The following GPATCH2L variants were observed in gnomAD, a reference collection of about 807,000 sequenced individuals.
GPATCH2L encodes the protein G patch domain-containing protein 2-like.
In GPATCH2L, 31 loss-of-function variants were observed where a neutral mutation model predicts 57.4. That is an observed-to-expected ratio of 0.54 (90% CI 0.41 to 0.73). The LOEUF (loss-of-function observed/expected upper bound fraction) is 0.73. GPATCH2L is among the 30% of genes least tolerant of loss of function. GPATCH2L has a pLI of 0.00. For synonymous variants in GPATCH2L, 199 were observed against 210.7 expected (o/e 0.94, Z 0.48); for missense variants, 481 against 599.9 (o/e 0.80, Z 2.07).
At chr14:76,172,478 A>T (rs1008095517) in intron 4 of GPATCH2L, among the ~76,000 whole-genome samples, 1 of 152,192 alleles carries the variant, frequency 6.6e-6, no homozygotes, top group African/African-American at 2.4e-5. Context: ...CCCTATTGGG[A>T]CTTTAACACA....
rs1449231653 is a variant in GPATCH2L at position 76,209,339 on chromosome 14, G to A, written c.*7488G>A. On this transcript the variant is annotated 3_prime_UTR_variant, in exon 10 of 10. Transcript: ENST00000261530. ...CACCAACTTAAAAGCACAGATTAGAGTGGAGCATTCACATTTATTACTGCA... is the reference window on the plus strand; with the variant it reads ...CACCAACTTAAAAGCACAGATTAGAATGGAGCATTCACATTTATTACTGCA... The A allele has an allele frequency of 6.6e-6, 1 of 152,196 alleles. No individual in the cohort carries two copies. The highest frequency in any genetic ancestry group is 6.5e-5 in the Admixed American group (1 of 15,272). 9.4% of individuals were successfully genotyped at this position (152,196 alleles called of 1,614,324 possible). A position where few individuals can be genotyped will look rare whatever the true frequency, so the allele number is the denominator to read the frequency against.
intron 2 of GPATCH2L, 82 bp from the exon 3 acceptor site, chr14:76,166,581 A>C: frequency 1.2e-6 from 1 of 838,786 alleles, no homozygotes; most frequent in South Asian, 1.5e-5. Flanking sequence ...AAATTAGGGA[A>C]GCTTGAAAAC....
In GPATCH2L at chr14:76,180,737, C is replaced by G. The variant is rs751787649; in HGVS notation, c.1108-27C>G. 5.4e-6 allele frequency: 8 copies of G among 1,470,998 alleles called. No homozygotes were observed. The African/African-American group carries it at 1.1e-4, about 20-fold the overall frequency. 91.1% of individuals were successfully genotyped at this position (1,470,998 alleles called of 1,614,324 possible). Reference sequence around the variant, plus strand: ...TCAGGTCCGTTTCATGTAAGCCTTACTAAAATAGTCTTATTCATTCCTGCA... The same window carrying G: ...TCAGGTCCGTTTCATGTAAGCCTTAGTAAAATAGTCTTATTCATTCCTGCA... On this transcript the variant is annotated intron_variant, in intron 7 of 9. Coordinates refer to ENST00000261530, the MANE Select transcript of GPATCH2L (RefSeq NM_017926.4).
At chr14:76,160,214 C>T (rs899370827) in intron 2 of GPATCH2L, among the ~76,000 whole-genome samples, 2 of 152,148 alleles carry the variant, frequency 1.3e-5, no homozygotes, top group Admixed American at 6.5e-5. Flanking sequence ...CCTGCCTCAA[C>T]CTGTAGCTGC....
chr14:76,153,026 T>A, intron 1 of GPATCH2L: 1 of 331,222 alleles, frequency 3.0e-6, no homozygotes, highest in South Asian at 2.4e-5. Context: ...CTTGTTTAAA[T>A]GTATGTGCTT....
downstream of GPATCH2L, among the ~76,000 whole-genome samples, chr14:76,215,694 C>T (rs2139855413): frequency 6.9e-6 from 1 of 143,992 alleles, no homozygotes; most frequent in East Asian, 2.1e-4. Flanking sequence ...CATATTCTCA[C>T]TCATAGGTGG....
At chr14:76,152,814 C>G (rs1294520404) in intron 1 of GPATCH2L, 1 of 453,886 alleles carries the variant, frequency 2.2e-6, no homozygotes, top group Non-Finnish European at 4.4e-6. Flanking sequence ...TTTTTGTTGC[C>G]TGAGTTTTTA....
At chr14:76,225,775 G>A (rs1239462230) in intron 1 of GPATCH2L, among the ~76,000 whole-genome samples, 1 of 152,112 alleles carries the variant, frequency 6.6e-6, no homozygotes, top group Non-Finnish European at 1.5e-5. Context: ...AAAACAAACA[G>A]ATGATCCAAT....
intron 1 of GPATCH2L, among the ~76,000 whole-genome samples, chr14:76,228,555 G>T (rs577762866): frequency 6.6e-6 from 1 of 152,194 alleles, no homozygotes; most frequent in Non-Finnish European, 1.5e-5. Context: ...TCAGACAAGG[G>T]TTTCTTCAGC....
At chr14:76,182,201 C>CA (rs1315212942) in intron 8 of GPATCH2L, among the ~76,000 whole-genome samples, 2 of 151,604 alleles carry the variant, frequency 1.3e-5, no homozygotes, top group African/African-American at 4.8e-5. Flanking sequence ...ACTAAAAATA[C>CA]AAAAAATTAG....
intron 8 of GPATCH2L, among the ~76,000 whole-genome samples, chr14:76,183,187 T>C (rs1488440789): frequency 1.3e-5 from 2 of 152,240 alleles, no homozygotes; most frequent in Non-Finnish European, 2.9e-5. Context: ...TCATTATCCA[T>C]ACCACTGTCT....
At chr14:76,156,356 A>C (rs2038306745) in intron 2 of GPATCH2L, among the ~76,000 whole-genome samples, 1 of 152,202 alleles carries the variant, frequency 6.6e-6, no homozygotes, top group Non-Finnish European at 1.5e-5. Flanking sequence ...GTATACCTGT[A>C]CCTTTCTTGA....
chr14:76,171,119 A>G (rs1341689297), intron 3 of GPATCH2L, among the ~76,000 whole-genome samples: 1 of 152,168 alleles, frequency 6.6e-6, no homozygotes, highest in Non-Finnish European at 1.5e-5. Context: ...TGTAAAATGA[A>G]TCAAGAAGGA....
At position 76,221,368 on chromosome 14, in the gene GPATCH2L, C is replaced by T. The variant is rs75239020; in HGVS notation, c.66-8440C>T. Among the ~76,000 whole-genome samples, 641 of 152,208 alleles carry T rather than the reference C, an allele frequency of 4.2e-3. 5 individuals are homozygous for T. Among genetic ancestry groups the T allele is most frequent in the African/African-American group, 0.015 (613 of 41,518 alleles). The stretch of plus-strand genomic sequence containing the variant: ...ACCAAATGCTGGTGAGCATGTGGAG[C>T]AACAGGAACGCTAATGGGAATTAGC... On this transcript the variant is annotated intron_variant and NMD_transcript_variant, in intron 1 of 3. Coordinates refer to the GPATCH2L transcript ENST00000556372.
chr14:76,154,677 A>G lies in GPATCH2L; in HGVS notation c.314A>G (p.Lys105Arg). The stretch of plus-strand genomic sequence containing the variant: ...CACCCAGCTCTCAATGCCATTGTCA[A>G]GAGTAAGCAACATTCTTGGCATGAA... ...KRHPALNAIV[K>R]SKQHSWHESD... The change falls in exon 2 of 10, where the codon AAG becomes AGG. Residue 105 changes from lysine to arginine, a missense_variant. Around this residue, in one of 3 missense-constraint regions of GPATCH2L, gnomAD observed 208 missense variants for 272.4 expected, o/e 0.76. Transcript: ENST00000261530. The surrounding 1 kb of genome is among the most constrained non-coding windows in gnomAD (Gnocchi z 4.4). 1 of 1,614,242 alleles carries G rather than the reference A, an allele frequency of 6.2e-7. No homozygotes were observed. The highest frequency in any genetic ancestry group is 1.1e-5 in the South Asian group (1 of 91,088).
intron 2 of GPATCH2L, among the ~76,000 whole-genome samples, chr14:76,231,620 CAT>C (rs1051024323): frequency 1.2e-4 from 12 of 97,342 alleles, no homozygotes; most frequent in African/African-American, 5.1e-4. Context: ...AAACTAAACA[CAT>C]ACACACACAC....
intron 3 of GPATCH2L, among the ~76,000 whole-genome samples, chr14:76,168,673 A>G (rs753628200): frequency 6.6e-6 from 1 of 152,206 alleles, no homozygotes; most frequent in Non-Finnish European, 1.5e-5. Context: ...CTTGAATCAT[A>G]TCTGTTAATT....
chr14:76,155,875 C>T (rs1374357342), intron 2 of GPATCH2L, among the ~76,000 whole-genome samples: 2 of 152,136 alleles, frequency 1.3e-5, no homozygotes, highest in African/African-American at 2.4e-5. Flanking sequence ...ATTCACACCC[C>T]CTTTTCATTG....
intron 1 of GPATCH2L, among the ~76,000 whole-genome samples, chr14:76,228,158 ATAT>A (rs1317292270): frequency 2.6e-5 from 4 of 152,318 alleles, no homozygotes; most frequent in South Asian, 2.1e-4. Flanking sequence ...AGGTATCTGG[ATAT>A]TATTGTTTCG....
Sources: gnomAD v4.1 joint callset for allele counts (sites outside exome capture counted in the v4.1 genomes callset) on GRCh38, gnomAD v4.1.1 for gene constraint, gnomAD v4.1.1 regional missense constraint, Gnocchi (gnomAD v3.1) non-coding constraint, MANE v1.5 for transcripts, NCBI Gene and HGNC (gene_info 2026-07-23, HGNC 2026-07-21) for gene names.